The following ADGRL3 variants were observed in gnomAD, a reference collection of about 807,000 sequenced individuals.
The protein encoded by ADGRL3 is calcium-independent alpha-latrotoxin receptor 3.
In ADGRL3, 62 loss-of-function variants were observed where a neutral mutation model predicts 153.5. The ratio of observed to expected loss-of-function variants is 0.40; its 90% CI spans 0.33 to 0.50. ADGRL3 has a LOEUF of 0.50. Among genes scored for constraint, ADGRL3 ranks in the 20% least tolerant of loss-of-function variants. ADGRL3 has a pLI of 0.47. For synonymous variants in ADGRL3, 710 were observed against 672.5 expected (o/e 1.06, Z -0.86); for missense variants, 1,641 against 1,859.4 (o/e 0.88, Z 2.16).
At chr4:61,932,705 C>G (rs899393752) in intron 13 of ADGRL3, among the ~76,000 whole-genome samples, 13 of 152,100 alleles carry the variant, frequency 8.5e-5, no homozygotes, top group Middle Eastern at 3.4e-3. Context: ...GGAAGTGTCC[C>G]CTCCTCTTAT....
chr4:61,619,547 A>ACACT (rs913997680), intron 5 of ADGRL3, among the ~76,000 whole-genome samples: 2 of 141,894 alleles, frequency 1.4e-5, no homozygotes, highest in African/African-American at 5.2e-5. Flanking sequence ...ACACACACAC[A>ACACT]CTCTAATCAT....
chr4:61,407,326 C>T (rs2097015364), intron 2 of ADGRL3, among the ~76,000 whole-genome samples: 1 of 152,008 alleles, frequency 6.6e-6, no homozygotes, highest in Non-Finnish European at 1.5e-5. Context: ...GGTCATTAGT[C>T]TTCACATATT....
intron 2 of ADGRL3, among the ~76,000 whole-genome samples, chr4:61,463,457 G>T (rs111330231): frequency 3.3e-5 from 5 of 152,154 alleles, no homozygotes; most frequent in Non-Finnish European, 5.9e-5. Context: ...CAGATCTCTT[G>T]AAAACTCACT....
intron 17 of ADGRL3, among the ~76,000 whole-genome samples, chr4:61,963,041 A>G (rs2098993703): frequency 1.3e-5 from 2 of 152,050 alleles, no homozygotes; most frequent in African/African-American, 4.8e-5. Context: ...GTCAGAGAAG[A>G]CACCCTAGAG....
intron 19 of ADGRL3, among the ~76,000 whole-genome samples, chr4:61,992,136 A>G (rs1025887546): frequency 2.0e-5 from 3 of 152,064 alleles, no homozygotes; most frequent in African/African-American, 7.2e-5. Context: ...TACTAATTTC[A>G]CAAATTAAAT....
chr4:61,571,339 T>C (rs1242669062), intron 4 of ADGRL3, among the ~76,000 whole-genome samples: 11 of 148,956 alleles, frequency 7.4e-5, no homozygotes, highest in Admixed American at 7.4e-4. Context: ...TAAAATAAAA[T>C]AAAATAAAAT....
intron 8 of ADGRL3, among the ~76,000 whole-genome samples, chr4:61,767,512 C>T (rs187740987): frequency 0.022 from 3,289 of 152,164 alleles, 195 homozygotes; most frequent in East Asian, 0.14. Context: ...CGAAGCTCGG[C>T]GTCCGTGATG....
chr4:61,207,700 T>G (rs1737959578), intron 1 of ADGRL3, among the ~76,000 whole-genome samples: 1 of 152,204 alleles, frequency 6.6e-6, no homozygotes, highest in African/African-American at 2.4e-5. Context: ...CCATATCCTC[T>G]CCAGCACCTA....
At chr4:62,011,334 A>G (rs1386954435) in intron 21 of ADGRL3, among the ~76,000 whole-genome samples, 1 of 152,150 alleles carries the variant, frequency 6.6e-6, no homozygotes, top group Non-Finnish European at 1.5e-5. Flanking sequence ...GAAGAAGTGG[A>G]TATATGTGGA....
At chr4:61,350,930 G>GA in intron 1 of ADGRL3, among the ~76,000 whole-genome samples, 1 of 152,268 alleles carries the variant, frequency 6.6e-6, no homozygotes, top group African/African-American at 2.4e-5. Flanking sequence ...GTGAAAGGAA[G>GA]AATTGCACCT....
At chr4:61,533,742 A>G (rs2098637644) in intron 4 of ADGRL3, among the ~76,000 whole-genome samples, 1 of 152,142 alleles carries the variant, frequency 6.6e-6, no homozygotes, top group African/African-American at 2.4e-5. Flanking sequence ...TTGCACTCAA[A>G]TGTCTGATGA....
intron 1 of ADGRL3, among the ~76,000 whole-genome samples, chr4:61,307,232 A>C (rs1463745831): frequency 1.3e-5 from 2 of 152,228 alleles, no homozygotes; most frequent in African/African-American, 4.8e-5. Context: ...TTTGAAAATT[A>C]ATATAATAAT....
intron 14 of ADGRL3, 22 bp from the exon 15 acceptor site, chr4:61,935,901 G>T: frequency 6.3e-7 from 1 of 1,577,686 alleles, no homozygotes; most frequent in Non-Finnish European, 8.6e-7. Flanking sequence ...AATGAGCACT[G>T]ATATCTCTTT....
intron 1 of ADGRL3, among the ~76,000 whole-genome samples, chr4:61,254,773 G>A (rs996374855): frequency 1.3e-5 from 2 of 152,112 alleles, no homozygotes; most frequent in Admixed American, 1.3e-4. Flanking sequence ...CATCCAGGAT[G>A]GATGCTGATT....
At chr4:61,508,141 C>A (rs1301754091) in intron 3 of ADGRL3, among the ~76,000 whole-genome samples, 1 of 152,064 alleles carries the variant, frequency 6.6e-6, no homozygotes. Flanking sequence ...AGCCAAATCT[C>A]TAATAAATTT....
chr4:61,940,018 G>A (rs2098876161), intron 15 of ADGRL3, among the ~76,000 whole-genome samples: 1 of 141,286 alleles, frequency 7.1e-6, no homozygotes, highest in African/African-American at 2.7e-5. Flanking sequence ...CCATGCTGGT[G>A]CGCTGCACCC....
chr4:61,283,380 G>A (rs2150026907), intron 1 of ADGRL3, among the ~76,000 whole-genome samples: 1 of 152,032 alleles, frequency 6.6e-6, no homozygotes, highest in East Asian at 1.9e-4. Context: ...AGTTTTTCAG[G>A]GAGCTTTCTC....
At chr4:61,754,612 A>ATC (rs2096797967) in intron 8 of ADGRL3, among the ~76,000 whole-genome samples, 2 of 148,194 alleles carry the variant, frequency 1.3e-5, no homozygotes, top group African/African-American at 5.1e-5. Context: ...GAGTGTATAT[A>ATC]TATATATTTA....
chr4:61,748,865 C>T (rs1401796164), intron 8 of ADGRL3, among the ~76,000 whole-genome samples: 1 of 151,408 alleles, frequency 6.6e-6, no homozygotes, highest in Non-Finnish European at 1.5e-5. Context: ...CAAATGGGAT[C>T]TAATTAAACT....
Sources: gnomAD v4.1 joint callset for allele counts (sites outside exome capture counted in the v4.1 genomes callset) on GRCh38, gnomAD v4.1.1 for gene constraint, MANE v1.5 for transcripts, NCBI Gene and HGNC (gene_info 2026-07-23, HGNC 2026-07-21) for gene names.